Variants in RPL13 observed in about 807,000 individuals in gnomAD.
RPL13 encodes large ribosomal subunit protein eL13.
A neutral mutation model predicts 21.4 loss-of-function variants in RPL13; 1 was observed. The observed-to-expected ratio is 0.05, with a 90% CI of 0.02 to 0.22. RPL13 has a LOEUF of 0.22. Ranked by LOEUF, RPL13 falls within the 10% of genes least tolerant of loss-of-function variation. The pLI is 1.00. For missense variants in RPL13, 289 were observed against 303.0 expected (o/e 0.95, Z 0.34); for synonymous variants, 143 against 120.5 (o/e 1.19, Z -1.23).
chr16:89,562,877 C>T lies in RPL13; in HGVS notation c.478-7C>T, dbSNP rs755080623. The T allele has an allele frequency of 8.4e-6, 13 of 1,554,524 alleles. No homozygotes were observed. The highest frequency in any genetic ancestry group is 3.6e-5 in the South Asian group (3 of 82,640). ...TGTGGGTTTAACAACCTGTCTTTCT[C>T]TTCTAGGTCTATAAGAAGGAGAAAG... On this transcript the variant is annotated splice_polypyrimidine_tract_variant and splice_region_variant and intron_variant, in intron 5 of 5. Transcript: ENST00000311528.
At chr16:89,561,933 T>A in intron 4 of RPL13, 182 bp downstream of exon 4, 4 of 708,252 alleles carry the variant, frequency 5.6e-6, no homozygotes, top group Non-Finnish European at 9.1e-6. Flanking sequence ...TTAATGGACA[T>A]GGCAAGGCTG....
intron 5 of RPL13, 71 bp downstream of exon 5, chr16:89,562,462 C>T (rs885268): frequency 3.4e-6 from 5 of 1,450,944 alleles, no homozygotes; most frequent in South Asian, 1.2e-5. Flanking sequence ...ATCTGAGATG[C>T]GGGTGATGGG....
intron 1 of RPL13, 56 bp from the exon 2 acceptor site, chr16:89,560,884 G>C (rs1192956022): frequency 1.5e-6 from 2 of 1,322,804 alleles, no homozygotes; most frequent in African/African-American, 1.5e-5. Flanking sequence ...GCGGAGGCCC[G>C]GGGGGGTGCG....
In RPL13 at chr16:89,564,416, AAAGTT is replaced by A. The variant is rs2058768148; in HGVS notation, c.*1378_*1382del. The A allele has an allele frequency of 2.0e-5, 3 of 152,186 alleles. No homozygotes were observed. Among genetic ancestry groups the A allele is most frequent in the Non-Finnish European group, 4.4e-5 (3 of 68,032 alleles). The allele number at this position is 152,186 out of a possible 1,614,324, so 9.4% of individuals were successfully genotyped here. A position where few individuals can be genotyped will look rare whatever the true frequency, so the allele number is the denominator to read the frequency against. ...TATGTTTGGGACTCTTGTCCTATGTAAAGTTAAGGTGGGCCGGGTGCAGTGGCTCA... is the reference window on the plus strand; with the variant it reads ...TATGTTTGGGACTCTTGTCCTATGTAAAGGTGGGCCGGGTGCAGTGGCTCA... On this transcript the variant is annotated 3_prime_UTR_variant, in exon 6 of 6. Transcript: ENST00000311528.
intron 2 of RPL13, 65 bp from the exon 3 acceptor site, chr16:89,561,162 C>G: frequency 1.3e-6 from 2 of 1,512,436 alleles, no homozygotes; most frequent in South Asian, 1.3e-5. Flanking sequence ...TGTCTGCAAC[C>G]GTCGCGGAGC....
At chr16:89,560,831 G>T in intron 1 of RPL13, 109 bp from the exon 2 acceptor site, 1 of 673,268 alleles carries the variant, frequency 1.5e-6, no homozygotes, top group East Asian at 3.3e-5. Flanking sequence ...GCCGCTGCCC[G>T]GGCTCTAGGC....
At chr16:89,562,683 G>A (rs548907690) in intron 5 of RPL13, 56 of 582,394 alleles carry the variant, frequency 9.6e-5, no homozygotes, top group South Asian at 2.9e-4. Flanking sequence ...GGCTTGAGCC[G>A]CCATGTCCAG....
intron 1 of RPL13, 64 bp from the exon 2 acceptor site, chr16:89,560,876 G>C: frequency 8.0e-7 from 1 of 1,247,426 alleles, no homozygotes; most frequent in Non-Finnish European, 1.1e-6. Flanking sequence ...GGTTCGGGGC[G>C]GAGGCCCGGG....
downstream of RPL13, chr16:89,564,922 C>T (rs567039984): frequency 1.3e-5 from 2 of 152,336 alleles, no homozygotes; most frequent in Admixed American, 6.5e-5. Context: ...GTCTGTGCCC[C>T]ATCACACCGC....
At chr16:89,562,290 C>T (rs762393409) in intron 4 of RPL13, 45 bp from the exon 5 acceptor site, 2 of 1,593,586 alleles carry the variant, frequency 1.3e-6, no homozygotes, top group African/African-American at 1.3e-5. Context: ...GGAGTCCTTG[C>T]AGCAGTGCGG....
At chr16:89,561,112 G>C (rs542134202) in intron 2 of RPL13, 49 bp downstream of exon 2, 8 of 1,555,350 alleles carry the variant, frequency 5.1e-6, no homozygotes, top group Non-Finnish European at 6.1e-6. Flanking sequence ...CCGCGGCTGC[G>C]CCTTGGCTTG....
downstream of RPL13, chr16:89,565,528 G>C (rs2058781420): frequency 6.7e-6 from 1 of 148,698 alleles, no homozygotes; most frequent in African/African-American, 2.5e-5. Flanking sequence ...AGATGCAAAG[G>C]GGCCCTTTGT....
chr16:89,562,064 C>T (rs1052756392), intron 4 of RPL13: 3 of 586,472 alleles, frequency 5.1e-6, no homozygotes, highest in Admixed American at 6.8e-5. Flanking sequence ...TATACGTTTC[C>T]GGGTAGTTAA....
chr16:89,561,127 T>TG, intron 2 of RPL13, 64 bp downstream of exon 2: 2 of 1,537,682 alleles, frequency 1.3e-6, no homozygotes, highest in South Asian at 2.4e-5. Flanking sequence ...GGCTTGCGGG[T>TG]GGCCGATGCC....
At chr16:89,564,681 T>G (rs1263636113), downstream of RPL13, 1 of 152,172 alleles carries the variant, frequency 6.6e-6, no homozygotes, top group Non-Finnish European at 1.5e-5. Context: ...GGTGGATGGT[T>G]GGAAGCTTGA....
chr16:89,561,000 T>A lies in RPL13; in HGVS notation c.41T>A (p.Phe14Tyr). 6.2e-7 allele frequency: 1 copy of A among 1,607,426 alleles called. No homozygotes were observed. The highest frequency in any genetic ancestry group is 1.9e-4 in the Middle Eastern group (1 of 5,286). ...SRNGMVLKPH[F>Y]HKDWQRRVAT... ...AATGGCATGGTCTTGAAGCCCCACT[T>A]CCACAAGGACTGGCAGCGGCGCGTG... is the stretch of plus-strand genomic sequence containing the variant. Residue 14 changes from phenylalanine (F) to tyrosine (Y), a missense_variant, in exon 2 of 6, where the codon TTC (phenylalanine) becomes TAC (tyrosine). Coordinates refer to ENST00000311528, the MANE Select transcript of RPL13 (RefSeq NM_000977.4).
Position 89,562,973 on chromosome 16 carries a change from C to T in RPL13, c.567C>T (p.Ala189=), listed in dbSNP as rs17851119. ...FASLRMARAN[A]RLFGIRAKRA... is the part of the protein sequence containing the mutation. ...GTCTCCGTATGGCCCGTGCCAACGC[C>T]CGGCTCTTCGGCATACGGGCAAAAA... The change falls in exon 6 of 6, where the codon GCC becomes GCT. Residue 189 remains alanine, a synonymous_variant. Coordinates refer to ENST00000311528, the MANE Select transcript of RPL13 (RefSeq NM_000977.4). 6.3e-7 allele frequency: 1 copy of T among 1,589,930 alleles called. No individual in the cohort carries two copies. The highest frequency in any genetic ancestry group is 1.4e-5 in the African/African-American group (1 of 73,584).
At chr16:89,561,130 C>T (rs930419568) in intron 2 of RPL13, 67 bp downstream of exon 2, 8 of 1,533,346 alleles carry the variant, frequency 5.2e-6, no homozygotes, top group South Asian at 3.6e-5. Context: ...TTGCGGGTGG[C>T]CGATGCCAGG....
Position 89,562,900 on chromosome 16 carries a change from A to C in RPL13, c.494A>C (p.Lys165Thr), listed in dbSNP as rs749767084. ...CTCTTCTAGGTCTATAAGAAGGAGA[A>C]AGCTCGAGTCATCACTGAGGAAGAG... is the stretch of plus-strand genomic sequence containing the variant. Reference protein sequence around the residue: ...MPVRNVYKKEKARVITEEEKN... With the variant: ...MPVRNVYKKETARVITEEEKN... Residue 165 changes from lysine (K) to threonine (T), a missense_variant, in exon 6 of 6, where the codon AAA (lysine) becomes ACA (threonine). Transcript: ENST00000311528. The C allele has an allele frequency of 1.9e-6, 3 of 1,578,954 alleles. No individual in the cohort carries two copies. Among genetic ancestry groups the C allele is most frequent in the Non-Finnish European group, 2.6e-6 (3 of 1,166,024 alleles).
Sources: gnomAD v4.1 joint callset for allele counts on GRCh38, gnomAD v4.1.1 for gene constraint, MANE v1.5 for transcripts, NCBI Gene and HGNC (gene_info 2026-07-23, HGNC 2026-07-21) for gene names.